Variants in EFCC1 observed in about 807,000 individuals in gnomAD.
EFCC1 encodes EF-hand and coiled-coil domain containing 1.
EFCC1 carries 50 observed loss-of-function variants against 52.1 expected under a neutral mutation model. The ratio of observed to expected loss-of-function variants is 0.96; its 90% CI spans 0.76 to 1.21. The LOEUF is 1.21. Ranked by LOEUF, EFCC1 falls within the 50% of genes most tolerant of loss-of-function variation. EFCC1 has a pLI of 0.00. For missense variants in EFCC1, 837 were observed against 867.3 expected (o/e 0.97, Z 0.44); for synonymous variants, 399 against 396.5 (o/e 1.01, Z -0.08).
At chr3:129,026,934 C>T (rs992354500) in intron 2 of EFCC1, among the ~76,000 whole-genome samples, 3 of 152,184 alleles carry the variant, frequency 2.0e-5, no homozygotes, top group African/African-American at 7.2e-5. Flanking sequence ...TCAAAAAACA[C>T]GAAATTCCAG....
chr3:129,005,354 G>A (rs944239524), intron 2 of EFCC1, among the ~76,000 whole-genome samples: 4 of 152,240 alleles, frequency 2.6e-5, no homozygotes, highest in African/African-American at 4.8e-5. Context: ...GGAACAGTAC[G>A]GGCAAAGCCC....
Position 129,034,276 on chromosome 3 carries a change from C to G in EFCC1, c.1399C>G (p.Gln467Glu). The G allele has an allele frequency of 6.2e-7, 1 of 1,614,146 alleles. No homozygotes were observed. Among genetic ancestry groups the G allele is most frequent in the Non-Finnish European group, 8.5e-7 (1 of 1,180,028 alleles). Residue 467 changes from glutamine to glutamate, a missense_variant, in exon 5 of 8, where the codon CAG becomes GAG. Coordinates refer to ENST00000683648, the MANE Select transcript of EFCC1 (RefSeq NM_001377500.1). The stretch of plus-strand genomic sequence containing the variant: ...GGCCTGCATTGCCATGCTGGTGGAG[C>G]AGCTGAGGACTCAGGGCTGCGGTGG... ...LEACIAMLVEQLRTQGCGGRT... is the reference protein window; with the variant it reads ...LEACIAMLVEELRTQGCGGRT...
In EFCC1 at chr3:129,036,483, A is replaced by G. The variant is rs372682413; in HGVS notation, c.1453-494A>G. 3.9e-4 allele frequency among the ~76,000 whole-genome samples: 59 copies of G among 152,380 alleles called. 1 individual carries two copies. Among genetic ancestry groups the G allele is most frequent in the East Asian group, 1.3e-3 (7 of 5,188 alleles). On this transcript the variant is annotated intron_variant, in intron 5 of 7. Coordinates refer to ENST00000683648, the MANE Select transcript of EFCC1 (RefSeq NM_001377500.1). ...GACGGTTTAGGTGGCCCCCTGGCCA[A>G]GAGTGGGCCCAAGACTCCGACTGGG...
At chr3:129,023,797 T>C (rs1006406330) in intron 2 of EFCC1, among the ~76,000 whole-genome samples, 1 of 152,226 alleles carries the variant, frequency 6.6e-6, no homozygotes, top group African/African-American at 2.4e-5. Context: ...TCCTATCACG[T>C]AGGGTCCACC....
chr3:129,033,322 C>T (rs141742658), intron 4 of EFCC1, among the ~76,000 whole-genome samples: 11 of 152,290 alleles, frequency 7.2e-5, no homozygotes, highest in Admixed American at 2.0e-4. Flanking sequence ...AGCCTGGCCC[C>T]GGGCAGGTGC....
chr3:129,015,778 G>A (rs1470741665), intron 2 of EFCC1, among the ~76,000 whole-genome samples: 2 of 136,244 alleles, frequency 1.5e-5, no homozygotes, highest in Admixed American at 7.7e-5. Flanking sequence ...GCTGCATCCC[G>A]CCCCCCTACC....
chr3:129,036,905 A>T, intron 5 of EFCC1, 72 bp from the exon 6 acceptor site: 1 of 1,607,046 alleles, frequency 6.2e-7, no homozygotes, highest in Non-Finnish European at 8.5e-7. Flanking sequence ...GGGGAGATGG[A>T]GTAGTTGATC....
rs1309524709 is a variant in EFCC1, at chr3:129,001,670, C to T, written c.42C>T (p.Gly14=). 3 of 1,443,230 alleles carry T rather than the reference C, an allele frequency of 2.1e-6. No homozygotes were observed. The South Asian group carries it at 4.2e-5, about 20-fold the overall frequency. The allele number at this position is 1,443,230 out of a possible 1,614,324, so 89.4% of individuals were successfully genotyped here. The change falls in exon 1 of 8, where the codon GGC becomes GGT. Residue 14 remains glycine (G), a synonymous_variant. Coordinates refer to ENST00000683648, the MANE Select transcript of EFCC1 (RefSeq NM_001377500.1). ...CGGGCGCGGAGGCCGGCATGGAGGGCGCGGGAGGTGACCCGTACCGGCGAC... is the reference window on the plus strand; with the variant it reads ...CGGGCGCGGAGGCCGGCATGGAGGGTGCGGGAGGTGACCCGTACCGGCGAC... The part of the protein sequence containing the change: ...VSTGAEAGME[G]AGGDPYRRPA...
intron 2 of EFCC1, among the ~76,000 whole-genome samples, chr3:129,004,960 T>C (rs1257348855): frequency 6.6e-6 from 1 of 152,192 alleles, no homozygotes; most frequent in East Asian, 1.9e-4. Flanking sequence ...TTGGGGTCCC[T>C]GCCTGTGGGA....
Position 129,039,751 on chromosome 3 carries a change from A to G in EFCC1, c.1703A>G (p.His568Arg). Residue 568 changes from histidine to arginine, a missense_variant, in exon 8 of 8, where the codon CAC (histidine) becomes CGC (arginine). By Grantham distance (29) the His-to-Arg change is conservative. Transcript: ENST00000683648. ...PSPAAILDAL[H>R]QALAACQLLR... ...CCTGCAGCCATCCTGGATGCCCTGC[A>G]CCAAGCCTTGGCTGCCTGCCAGCTG... 1 of 1,611,914 alleles carries G rather than the reference A, an allele frequency of 6.2e-7. No homozygotes were observed. The highest frequency in any genetic ancestry group is 8.5e-7 in the Non-Finnish European group (1 of 1,178,788).
chr3:129,024,661 A>G (rs1231620784), intron 2 of EFCC1, among the ~76,000 whole-genome samples: 1 of 152,220 alleles, frequency 6.6e-6, no homozygotes, highest in Non-Finnish European at 1.5e-5. Context: ...AGAAGGTAGA[A>G]GAACAAAAGA....
chr3:129,021,899 A>G (rs1945861216), intron 2 of EFCC1, among the ~76,000 whole-genome samples: 1 of 152,110 alleles, frequency 6.6e-6, no homozygotes, highest in African/African-American at 2.4e-5. Context: ...TTTTTGAAGT[A>G]CATCTGAAAA....
chr3:129,016,103 C>T (rs576030215), intron 2 of EFCC1, among the ~76,000 whole-genome samples: 2 of 152,164 alleles, frequency 1.3e-5, no homozygotes, highest in African/African-American at 2.4e-5. Flanking sequence ...TGAGCCCAGG[C>T]GGTGTAATGG....
chr3:129,024,302 C>G (rs912499596), intron 2 of EFCC1, among the ~76,000 whole-genome samples: 2 of 152,242 alleles, frequency 1.3e-5, no homozygotes, highest in Admixed American at 1.3e-4. Flanking sequence ...AAAGCCGAGT[C>G]AGGCAGATCA....
At chr3:129,011,049 A>G (rs1432078319) in intron 2 of EFCC1, among the ~76,000 whole-genome samples, 1 of 152,138 alleles carries the variant, frequency 6.6e-6, no homozygotes, top group African/African-American at 2.4e-5. Context: ...CTTGGCATAA[A>G]CATTGAGTGT....
At chr3:129,025,994 A>ACCCC (rs1946090281) in intron 2 of EFCC1, among the ~76,000 whole-genome samples, 1 of 152,154 alleles carries the variant, frequency 6.6e-6, no homozygotes, top group African/African-American at 2.4e-5. Flanking sequence ...CTGAGTGCAG[A>ACCCC]CCCCACCTCT....
rs1379520269 is a variant in EFCC1 at position 129,030,359 on chromosome 3, C to T, written c.981-344C>T. The T allele has an allele frequency of 1.6e-5, 3 of 186,764 alleles. No homozygotes were observed. In the East Asian group the frequency reaches 3.8e-4, roughly 24 times the overall value. The allele number at this position is 186,764 out of a possible 1,614,324, so 11.6% of individuals were successfully genotyped here. A position where few individuals can be genotyped will look rare whatever the true frequency, so the allele number is the denominator to read the frequency against. On this transcript the variant is annotated intron_variant, in intron 2 of 7. Transcript: ENST00000683648. ...TTCTCTCAGACATTTTTTCATGTCACAAGATGGCTGCTGCAGCTCCAAACA... is the reference window on the plus strand; with the variant it reads ...TTCTCTCAGACATTTTTTCATGTCATAAGATGGCTGCTGCAGCTCCAAACA...
chr3:129,022,347 C>T (rs1026199946), intron 2 of EFCC1, among the ~76,000 whole-genome samples: 15 of 152,150 alleles, frequency 9.9e-5, no homozygotes, highest in African/African-American at 3.6e-4. Context: ...AGCCACAGTC[C>T]TGAGGGTGGA....
At chr3:129,024,004 C>T (rs971015006) in intron 2 of EFCC1, among the ~76,000 whole-genome samples, 10 of 152,156 alleles carry the variant, frequency 6.6e-5, no homozygotes, top group Non-Finnish European at 1.3e-4. Flanking sequence ...CTGGTCTTGT[C>T]CCTGGCCTGG....
Sources: gnomAD v4.1 joint callset for allele counts (sites outside exome capture counted in the v4.1 genomes callset) on GRCh38, gnomAD v4.1.1 for gene constraint, MANE v1.5 for transcripts, NCBI Gene and HGNC (gene_info 2026-07-23, HGNC 2026-07-21) for gene names.